CACNA2D1: variants seen among roughly 807,000 people sequenced by gnomAD.
The protein encoded by CACNA2D1 is voltage-dependent calcium channel subunit alpha-2/delta-1.
CACNA2D1 carries 53 observed loss-of-function variants against 171.5 expected under a neutral mutation model. The ratio of observed to expected loss-of-function variants is 0.31; its 90% CI spans 0.25 to 0.39. The LOEUF is 0.39. Ranked by LOEUF, CACNA2D1 falls within the 10% of genes least tolerant of loss-of-function variation. CACNA2D1 has a pLI of 1.00. For missense variants in CACNA2D1, 903 were observed against 1,299.8 expected (o/e 0.69, Z 4.69); for synonymous variants, 442 against 443.1 (o/e 1.00, Z 0.03).
chr7:82,011,849 T>A lies in CACNA2D1; in HGVS notation c.1362+305A>T, dbSNP rs914835312. ...TCACAAAGACTTTCATCTTTTTTTT[T>A]ACATTAACAATTAAAAAACTTATTG... is the stretch of plus-strand genomic sequence containing the variant. On this transcript the variant is annotated intron_variant, in intron 15 of 38. Transcript: ENST00000356860. Among the ~76,000 whole-genome samples the A allele has an allele frequency of 5.3e-5, 8 of 152,302 alleles. No individual in the cohort carries two copies. In the East Asian group the frequency reaches 1.5e-3, roughly 29 times the overall value.
chr7:82,107,706 C>T (rs1787919200), intron 6 of CACNA2D1, among the ~76,000 whole-genome samples: 1 of 151,776 alleles, frequency 6.6e-6, no homozygotes, highest in African/African-American at 2.4e-5. Context: ...GCCTCAGCCT[C>T]CCGAGTAGCT....
chr7:82,300,549 C>T (rs1043018933), intron 3 of CACNA2D1, among the ~76,000 whole-genome samples: 1 of 151,988 alleles, frequency 6.6e-6, no homozygotes, highest in Non-Finnish European at 1.5e-5. Flanking sequence ...TATTTGCTAC[C>T]GTAAGTATGC....
chr7:82,016,574 T>C (rs1244419955), intron 12 of CACNA2D1, among the ~76,000 whole-genome samples: 1 of 150,594 alleles, frequency 6.6e-6, no homozygotes, highest in East Asian at 1.9e-4. Flanking sequence ...TGACTGATGT[T>C]ATCATTCAAA....
At chr7:82,398,889 CT>C (rs145327977) in intron 1 of CACNA2D1, among the ~76,000 whole-genome samples, 13,558 of 151,074 alleles carry the variant, frequency 0.09, 670 homozygotes, top group Middle Eastern at 0.15. Flanking sequence ...CCATTCTCCC[CT>C]TTTTTTTTCC....
intron 12 of CACNA2D1, among the ~76,000 whole-genome samples, chr7:82,025,235 C>A (rs1801735743): frequency 6.6e-6 from 1 of 151,524 alleles, no homozygotes; most frequent in African/African-American, 2.4e-5. Flanking sequence ...ACTTTGGGTA[C>A]TATGGAAATT....
intron 3 of CACNA2D1, among the ~76,000 whole-genome samples, chr7:82,309,870 G>A (rs1154690): frequency 0.18 from 26,930 of 152,096 alleles, 2,433 homozygotes; most frequent in South Asian, 0.28. Flanking sequence ...AGAACCCAGG[G>A]CAACTGGGGA....
chr7:82,327,639 G>C (rs1816808793), intron 3 of CACNA2D1, among the ~76,000 whole-genome samples: 1 of 152,186 alleles, frequency 6.6e-6, no homozygotes, highest in Non-Finnish European at 1.5e-5. Context: ...TTCAGATGGA[G>C]AATGTGGTAG....
intron 4 of CACNA2D1, among the ~76,000 whole-genome samples, chr7:82,151,899 C>A (rs1326301110): frequency 6.6e-6 from 1 of 152,046 alleles, no homozygotes; most frequent in Non-Finnish European, 1.5e-5. Context: ...ACCTAATTAA[C>A]CTTTACAGAC....
chr7:82,244,585 G>A (rs560954973), intron 3 of CACNA2D1, among the ~76,000 whole-genome samples: 13 of 151,788 alleles, frequency 8.6e-5, no homozygotes, highest in South Asian at 8.3e-4. Flanking sequence ...ATGACCTGAC[G>A]TCTTAACATC....
intron 6 of CACNA2D1, among the ~76,000 whole-genome samples, chr7:82,100,413 CA>C (rs1252129287): frequency 6.6e-6 from 1 of 151,984 alleles, no homozygotes; most frequent in Non-Finnish European, 1.5e-5. Flanking sequence ...AAATCATTCA[CA>C]GGTATTATTA....
intron 3 of CACNA2D1, among the ~76,000 whole-genome samples, chr7:82,282,795 G>T (rs1810289136): frequency 6.6e-6 from 1 of 152,018 alleles, no homozygotes; most frequent in East Asian, 1.9e-4. Flanking sequence ...GGATATTTCT[G>T]ATTTGTTTTC....
At chr7:82,168,557 T>A (rs758371456) in intron 4 of CACNA2D1, among the ~76,000 whole-genome samples, 14 of 152,154 alleles carry the variant, frequency 9.2e-5, no homozygotes, top group Non-Finnish European at 1.9e-4. Flanking sequence ...AGAGTTTTTG[T>A]ATTGTGTTTG....
At chr7:82,111,428 G>GTGTGTATATATATA (rs1413914216) in intron 6 of CACNA2D1, among the ~76,000 whole-genome samples, 6 of 50,416 alleles carry the variant, frequency 1.2e-4, no homozygotes, top group African/African-American at 4.7e-4. Context: ...ATATATGTGT[G>GTGTGTATATATATA]TATATATATA....
Position 82,031,599 on chromosome 7 carries a change from G to A in CACNA2D1, c.1143+1198C>T, listed in dbSNP as rs548782896. On this transcript the variant is annotated intron_variant, in intron 12 of 38. Transcript: ENST00000356860. ...GCAGTAAGCAGAGTTTAATTAATTT[G>A]AAATTATATGTGTATTATTTCAGTC... Among the ~76,000 whole-genome samples, 5 of 151,938 alleles carry A rather than the reference G, an allele frequency of 3.3e-5. No individual in the cohort carries two copies. In the East Asian group the frequency reaches 7.7e-4, roughly 24 times the overall value.
At chr7:81,981,603 G>A (rs1271277290) in intron 24 of CACNA2D1, among the ~76,000 whole-genome samples, 1 of 152,128 alleles carries the variant, frequency 6.6e-6, no homozygotes, top group African/African-American at 2.4e-5. Context: ...AAGCTTCTAT[G>A]TAAATTGTTC....
Position 82,170,605 on chromosome 7 carries a change from A to G in CACNA2D1, c.299T>C (p.Leu100Pro). 6.2e-7 allele frequency: 1 copy of G among 1,612,472 alleles called. No homozygotes were observed. The highest frequency in any genetic ancestry group is 8.5e-7 in the Non-Finnish European group (1 of 1,178,956). ...TTGAACTTTCTCCGCTTCCAATGCC[A>G]GGCGCTGAAAAACAAACAATAAATC... ...LSNRSKALVR[L>P]ALEAEKVQAA... is the part of the protein sequence containing the mutation. Residue 100 changes from leucine (L) to proline (P), a missense_variant, in exon 4 of 39, where the codon CTG becomes CCG. Physicochemically the swap from Leu to Pro is moderately conservative, Grantham distance 98. This residue lies in a region of CACNA2D1 where 189 missense variants were observed against 266.8 expected (regional missense o/e 0.71). Transcript: ENST00000356860.
At chr7:82,093,762 C>G (rs774060392) in intron 6 of CACNA2D1, among the ~76,000 whole-genome samples, 1 of 152,014 alleles carries the variant, frequency 6.6e-6, no homozygotes, top group Non-Finnish European at 1.5e-5. Context: ...GAAATTATAT[C>G]AGGTCTAATA....
At chr7:82,133,114 T>A (rs1449963807) in intron 5 of CACNA2D1, among the ~76,000 whole-genome samples, 1 of 152,198 alleles carries the variant, frequency 6.6e-6, no homozygotes, top group African/African-American at 2.4e-5. Context: ...TTTTTTCTCT[T>A]AACAAATTAC....
chr7:81,994,694 T>C (rs1306431943), intron 20 of CACNA2D1, among the ~76,000 whole-genome samples, 174 bp downstream of exon 20: 2 of 151,986 alleles, frequency 1.3e-5, no homozygotes, highest in African/African-American at 4.8e-5. Flanking sequence ...TAAAAATATA[T>C]CTTAGTGAAA....
Sources: allele counts gnomAD v4.1 joint callset (sites outside exome capture counted in the v4.1 genomes callset), GRCh38; gene constraint gnomAD v4.1.1; regional missense constraint gnomAD v4.1.1; transcripts MANE v1.5; gene names NCBI Gene and HGNC (gene_info 2026-07-23, HGNC 2026-07-21).